The following TRPC7 variants were observed in gnomAD, a reference collection of about 807,000 sequenced individuals.
TRPC7 encodes the protein transient receptor potential cation channel subfamily C member 7, also known as short transient receptor potential channel 7.
In TRPC7, 42 loss-of-function variants were observed where a neutral mutation model predicts 90.1. The ratio of observed to expected loss-of-function variants is 0.47; its 90% CI spans 0.36 to 0.60. The LOEUF (loss-of-function observed/expected upper bound fraction) is 0.60. Ranked by LOEUF, TRPC7 falls within the 20% of genes least tolerant of loss-of-function variation. TRPC7 has a pLI of 0.00. For synonymous variants in TRPC7, 451 were observed against 436.3 expected, an observed-to-expected ratio of 1.03 and a Z score of -0.42; for missense variants, 955 against 1,112.3, an observed-to-expected ratio of 0.86 and a Z score of 2.01.
intron 2 of TRPC7, among the ~76,000 whole-genome samples, chr5:136,320,341 A>G (rs567219002): frequency 6.6e-6 from 1 of 152,250 alleles, no homozygotes; most frequent in Admixed American, 6.5e-5. Context: ...GACTAACCCT[A>G]GAAACTCCCA....
In TRPC7 at chr5:136,251,599, C is replaced by A. The variant is rs1294914047; in HGVS notation, c.1579+50G>T. 3.5e-6 allele frequency: 5 copies of A among 1,423,606 alleles called. No homozygotes were observed. In the Admixed American group the frequency reaches 7.9e-5, roughly 23 times the overall value. 88.2% of individuals were successfully genotyped at this position (1,423,606 alleles called of 1,614,324 possible). On this transcript the variant is annotated intron_variant, in intron 6 of 11. Coordinates refer to ENST00000513104, the MANE Select transcript of TRPC7 (RefSeq NM_020389.3). Reference sequence around the variant, plus strand: ...ACCAGCCACAGTGAAGCACCAGGCCCACGTCCCGGAAGCGCCAAAATGGAG... The same window carrying A: ...ACCAGCCACAGTGAAGCACCAGGCCAACGTCCCGGAAGCGCCAAAATGGAG...
chr5:136,303,568 C>A (rs1758484010), intron 3 of TRPC7, among the ~76,000 whole-genome samples: 1 of 152,112 alleles, frequency 6.6e-6, no homozygotes, highest in Non-Finnish European at 1.5e-5. Context: ...AGAACCTCCT[C>A]CCCCAGGAGC....
chr5:136,355,613 A>G (rs1760342637), intron 2 of TRPC7, among the ~76,000 whole-genome samples: 3 of 152,112 alleles, frequency 2.0e-5, no homozygotes, highest in Non-Finnish European at 4.4e-5. Flanking sequence ...CCTGGCTAAC[A>G]TGGTGAAACC....
intron 2 of TRPC7, among the ~76,000 whole-genome samples, chr5:136,347,378 G>T (rs1360569504): frequency 6.6e-6 from 1 of 152,150 alleles, no homozygotes; most frequent in African/African-American, 2.4e-5. Context: ...TCCCATGAAG[G>T]CAAGGAAAAG....
At chr5:136,335,800 A>C (rs1473980702) in intron 2 of TRPC7, among the ~76,000 whole-genome samples, 4 of 144,184 alleles carry the variant, frequency 2.8e-5, no homozygotes, top group Non-Finnish European at 6.0e-5. Context: ...GCTACTCGGG[A>C]GGCTGAGGCA....
intron 5 of TRPC7, among the ~76,000 whole-genome samples, chr5:136,260,547 G>A (rs1013556294): frequency 2.6e-5 from 4 of 152,144 alleles, no homozygotes; most frequent in African/African-American, 9.7e-5. Context: ...AGAGAGCCTA[G>A]GGGGCTGAAA....
rs546010314 is a variant in TRPC7, at chr5:136,360,949, C to T, written c.3-3564G>A. 4.6e-5 allele frequency among the ~76,000 whole-genome samples: 7 copies of T among 152,256 alleles called. No individual in the cohort carries two copies. In the South Asian group the frequency reaches 8.3e-4, roughly 18 times the overall value. ...AATATATTCAGCCACCATATCCTTG[C>T]TATTTAATTTTGATATCACAGATAT... is the stretch of plus-strand genomic sequence containing the variant. On this transcript the variant is annotated intron_variant, in intron 1 of 11. Transcript: ENST00000513104.
At chr5:136,310,340 T>G (rs74827696) in intron 3 of TRPC7, among the ~76,000 whole-genome samples, 2 of 146,220 alleles carry the variant, frequency 1.4e-5, no homozygotes, top group African/African-American at 2.6e-5. Flanking sequence ...GAATTTTTTT[T>G]AAAAATACAA....
chr5:136,255,187 C>A (rs780869648), intron 5 of TRPC7, among the ~76,000 whole-genome samples: 1 of 152,182 alleles, frequency 6.6e-6, no homozygotes, highest in East Asian at 1.9e-4. Flanking sequence ...AAAGCAGCAG[C>A]AAGGCTTGAG....
chr5:136,352,112 G>A (rs1760211897), intron 2 of TRPC7, among the ~76,000 whole-genome samples: 1 of 152,148 alleles, frequency 6.6e-6, no homozygotes, highest in South Asian at 2.1e-4. Flanking sequence ...CTGCAATACG[G>A]TGTTTGTGGG....
At chr5:136,213,962 G>T (rs1755173048) in intron 11 of TRPC7, 1 of 222,696 alleles carries the variant, frequency 4.5e-6, no homozygotes. Context: ...TCAAGACTCT[G>T]GAAAACAACC....
At chr5:136,344,489 T>G (rs1235485629) in intron 2 of TRPC7, among the ~76,000 whole-genome samples, 1 of 152,232 alleles carries the variant, frequency 6.6e-6, no homozygotes, top group Non-Finnish European at 1.5e-5. Context: ...AGGCAATTCA[T>G]AGAAAGGAGA....
At chr5:136,241,836 G>A (rs180812172) in intron 7 of TRPC7, among the ~76,000 whole-genome samples, 9 of 152,292 alleles carry the variant, frequency 5.9e-5, no homozygotes, top group East Asian at 1.9e-4. Context: ...GATTATAGGT[G>A]TGAGCCACCG....
chr5:136,316,710 A>T (rs1759037025), intron 2 of TRPC7, among the ~76,000 whole-genome samples: 1 of 152,228 alleles, frequency 6.6e-6, no homozygotes, highest in Non-Finnish European at 1.5e-5. Flanking sequence ...AAAATGTTGG[A>T]CAAAGAATGT....
At chr5:136,276,965 T>C (rs1757384154) in intron 3 of TRPC7, among the ~76,000 whole-genome samples, 1 of 152,226 alleles carries the variant, frequency 6.6e-6, no homozygotes, top group Non-Finnish European at 1.5e-5. Context: ...ACTCGTAGTC[T>C]GATTAGAAGA....
intron 3 of TRPC7, among the ~76,000 whole-genome samples, chr5:136,282,080 T>C (rs1237226236): frequency 6.6e-6 from 1 of 152,210 alleles, no homozygotes; most frequent in African/African-American, 2.4e-5. Context: ...GGTATTAATA[T>C]TGATACAAGA....
Position 136,251,550 on chromosome 5 carries a change from G to A in TRPC7, c.1579+99C>T. On this transcript the variant is annotated intron_variant, in intron 6 of 11. Transcript: ENST00000513104. ...CTGTGTTACAAATCATGGGCCACTT[G>A]ATTACAAATAGCGTTACAAGTTCAC... The A allele has an allele frequency of 3.1e-6, 3 of 980,186 alleles. No individual in the cohort carries two copies. In the Admixed American group the frequency reaches 6.9e-5, roughly 23 times the overall value. 60.7% of individuals were successfully genotyped at this position (980,186 alleles called of 1,614,324 possible). A position where few individuals can be genotyped will look rare whatever the true frequency, so the allele number is the denominator to read the frequency against.
rs759121382 is a variant in TRPC7, at chr5:136,251,646, C to G, written c.1579+3G>C. On this transcript the variant is annotated splice_donor_region_variant and intron_variant, in intron 6 of 11. Transcript: ENST00000513104. ...GGAGTAGGGGAAGCACTCTCCGACT[C>G]ACCGTAGGTGAAGTATGCCACTTCC... 5 of 1,597,514 alleles carry G rather than the reference C, an allele frequency of 3.1e-6. No individual in the cohort carries two copies. The highest frequency in any genetic ancestry group is 4.3e-6 in the Non-Finnish European group (5 of 1,169,026).
intron 10 of TRPC7, among the ~76,000 whole-genome samples, chr5:136,221,422 G>GC (rs1338789985): frequency 2.0e-5 from 3 of 152,172 alleles, no homozygotes; most frequent in Admixed American, 6.5e-5. Context: ...CCCAGACCCG[G>GC]CCCAAACTAC....
Sources: gnomAD v4.1 joint callset for allele counts (sites outside exome capture counted in the v4.1 genomes callset) on GRCh38, gnomAD v4.1.1 for gene constraint, MANE v1.5 for transcripts, NCBI Gene and HGNC (gene_info 2026-07-23, HGNC 2026-07-21) for gene names.